RGS7: variants seen among roughly 807,000 people sequenced by gnomAD.
RGS7 encodes regulator of G-protein signaling 7.
RGS7 carries 27 observed loss-of-function variants against 81.1 expected under a neutral mutation model. The observed-to-expected ratio is 0.33, with a 90% CI of 0.25 to 0.46. The LOEUF (loss-of-function observed/expected upper bound fraction) is 0.46. Ranked by LOEUF, RGS7 falls within the 20% of genes least tolerant of loss-of-function variation. The pLI, the probability that RGS7 is intolerant of heterozygous loss-of-function variation, is 1.00. For synonymous variants in RGS7, 208 were observed against 207.7 expected, an observed-to-expected ratio of 1.00 and a Z score of -0.01; for missense variants, 396 against 607.4, an observed-to-expected ratio of 0.65 and a Z score of 3.66.
intron 9 of RGS7, among the ~76,000 whole-genome samples, chr1:240,839,191 T>A (rs1284245872): frequency 1.3e-5 from 2 of 152,242 alleles, no homozygotes; most frequent in African/African-American, 2.4e-5. Flanking sequence ...TAGCTGTCAC[T>A]TTTTGCTGCT....
intron 10 of RGS7, among the ~76,000 whole-genome samples, chr1:240,817,317 G>A (rs982175197): frequency 3.9e-5 from 6 of 152,158 alleles, no homozygotes; most frequent in African/African-American, 1.4e-4. Context: ...AGAAGGATGA[G>A]GGCATAATAA....
intron 3 of RGS7, among the ~76,000 whole-genome samples, chr1:241,092,607 A>G (rs1008300497): frequency 2.0e-5 from 3 of 152,194 alleles, no homozygotes; most frequent in African/African-American, 4.8e-5. Context: ...ACAGTGACTG[A>G]GCACTTTTAT....
intron 6 of RGS7, among the ~76,000 whole-genome samples, chr1:240,893,178 G>T (rs574227046): frequency 3.9e-5 from 6 of 152,104 alleles, no homozygotes; most frequent in Non-Finnish European, 7.4e-5. Flanking sequence ...AGTGAAAATC[G>T]AAGAAGGCTT....
intron 3 of RGS7, among the ~76,000 whole-genome samples, chr1:241,067,342 T>C (rs765723390): frequency 3.3e-5 from 5 of 152,122 alleles, no homozygotes; most frequent in African/African-American, 1.2e-4. Flanking sequence ...TGACATTTAG[T>C]AGGCTCTGTA....
At chr1:241,013,053 C>CTT (rs146066815) in intron 3 of RGS7, among the ~76,000 whole-genome samples, 944 of 80,302 alleles carry the variant, frequency 0.012, 6 homozygotes, top group African/African-American at 0.032. Flanking sequence ...CTGACCCCTC[C>CTT]TTTTTTTTTT....
At chr1:241,002,453 CAAA>C (rs56234845) in intron 3 of RGS7, among the ~76,000 whole-genome samples, 26,752 of 145,698 alleles carry the variant, frequency 0.18, 2,516 homozygotes, top group Middle Eastern at 0.32. Context: ...AACTCTGTCT[CAAA>C]AAAAAAAAAA....
intron 3 of RGS7, 108 bp downstream of exon 3, chr1:241,098,558 G>A: frequency 2.6e-6 from 2 of 772,804 alleles, no homozygotes; most frequent in Admixed American, 4.0e-5. Context: ...AGTAGTTACT[G>A]AATAATGGAT....
At chr1:241,260,522 A>C (rs1190232412) in intron 2 of RGS7, among the ~76,000 whole-genome samples, 1 of 152,222 alleles carries the variant, frequency 6.6e-6, no homozygotes, top group African/African-American at 2.4e-5. Context: ...TCAGGTGAAG[A>C]TAAGGAAAAA....
intron 3 of RGS7, among the ~76,000 whole-genome samples, chr1:241,028,755 A>T (rs893651137): frequency 6.6e-6 from 1 of 152,156 alleles, no homozygotes; most frequent in Non-Finnish European, 1.5e-5. Context: ...GACACAAAAT[A>T]ATCAGCAACA....
In RGS7 at chr1:240,986,613, T is replaced by TTG. The variant is rs1223589821; in HGVS notation, c.176-3485_176-3484insCA. ...TTTTTTTTTTTTTTGAGACGGAGTC[T>TTG]CGCTGTCGCCCAGGCTGGAGTGCAG... On this transcript the variant is annotated intron_variant, in intron 3 of 18. Transcript: ENST00000440928. 1.1e-4 allele frequency among the ~76,000 whole-genome samples: 2 copies of TTG among 17,654 alleles called. 1 individual carries two copies. The highest frequency in any genetic ancestry group is 2.0e-4 in the Non-Finnish European group (2 of 10,070). 11.6% of individuals were successfully genotyped at this position (17,654 alleles called of 152,430 possible).
intron 6 of RGS7, among the ~76,000 whole-genome samples, chr1:240,908,361 A>C (rs914700307): frequency 6.6e-6 from 1 of 152,178 alleles, no homozygotes; most frequent in African/African-American, 2.4e-5. Flanking sequence ...AATTAAATTA[A>C]ATTAAAAAAA....
At chr1:241,262,827 GTGGTGATT>G (rs2077402883) in intron 2 of RGS7, among the ~76,000 whole-genome samples, 1 of 152,056 alleles carries the variant, frequency 6.6e-6, no homozygotes, top group Admixed American at 6.6e-5. Flanking sequence ...TCAGCCAGGC[GTGGTGATT>G]CATGCCTGTA....
At chr1:241,331,144 T>C (rs555870583) in intron 2 of RGS7, among the ~76,000 whole-genome samples, 1 of 152,218 alleles carries the variant, frequency 6.6e-6, no homozygotes, top group East Asian at 1.9e-4. Flanking sequence ...ATCCTCTCTA[T>C]CAAAAATGGA....
intron 2 of RGS7, among the ~76,000 whole-genome samples, chr1:241,122,953 T>C (rs2066393215): frequency 6.6e-6 from 1 of 152,192 alleles, no homozygotes. Flanking sequence ...CCACATTAAG[T>C]TGGGGACCAT....
intron 2 of RGS7, among the ~76,000 whole-genome samples, chr1:241,254,320 C>A (rs1366323422): frequency 6.6e-6 from 1 of 151,936 alleles, no homozygotes; most frequent in African/African-American, 2.4e-5. Flanking sequence ...ATGGAATTCA[C>A]AGAGAAGAAA....
intron 2 of RGS7, among the ~76,000 whole-genome samples, chr1:241,116,399 T>C (rs937344664): frequency 3.3e-5 from 5 of 152,242 alleles, no homozygotes; most frequent in South Asian, 2.1e-4. Context: ...AGGTACCGTA[T>C]ATAGGTTTTT....
At chr1:241,036,100 A>T (rs1224437356) in intron 3 of RGS7, among the ~76,000 whole-genome samples, 1 of 152,232 alleles carries the variant, frequency 6.6e-6, no homozygotes. Flanking sequence ...AACAAATAAA[A>T]AGATAATTCC....
At chr1:240,865,420 T>A (rs1663061751) in intron 9 of RGS7, among the ~76,000 whole-genome samples, 1 of 152,202 alleles carries the variant, frequency 6.6e-6, no homozygotes, top group Non-Finnish European at 1.5e-5. Flanking sequence ...TGAGATACTC[T>A]CTGGTATTTT....
intron 9 of RGS7, 32 bp from the exon 10 acceptor site, chr1:240,827,204 T>C (rs771173898): frequency 2.6e-6 from 4 of 1,550,902 alleles, no homozygotes; most frequent in South Asian, 2.2e-5. Flanking sequence ...GACAAATGAA[T>C]CTTTGGGTGT....
Sources: allele counts gnomAD v4.1 joint callset (sites outside exome capture counted in the v4.1 genomes callset), GRCh38; gene constraint gnomAD v4.1.1; transcripts MANE v1.5; gene names NCBI Gene and HGNC (gene_info 2026-07-23, HGNC 2026-07-21).